The following LDLRAD3 variants were observed in gnomAD, a reference collection of about 807,000 sequenced individuals.
The protein encoded by LDLRAD3 is low density lipoprotein receptor class A domain containing 3.
In LDLRAD3, 20 loss-of-function variants were observed where a neutral mutation model predicts 29.4. The observed-to-expected ratio is 0.68, with a 90% CI of 0.48 to 0.99. The LOEUF is 0.99. Ranked by LOEUF, LDLRAD3 falls within the 50% of genes least tolerant of loss-of-function variation. The probability of loss-of-function intolerance (pLI) is 0.00; values close to 1 mark genes in which losing one functional copy is unlikely to be tolerated. For missense variants in LDLRAD3, 420 were observed against 454.3 expected, an observed-to-expected ratio of 0.92 and a Z score of 0.69; for synonymous variants, 157 against 192.7, an observed-to-expected ratio of 0.81 and a Z score of 1.53.
At chr11:35,971,824 A>AC in intron 1 of LDLRAD3, among the ~76,000 whole-genome samples, 1 of 152,298 alleles carries the variant, frequency 6.6e-6, no homozygotes, top group South Asian at 2.1e-4. Context: ...AGGGAGATCT[A>AC]CAGAGGTGGG....
intron 2 of LDLRAD3, among the ~76,000 whole-genome samples, chr11:36,073,479 G>A (rs1852941675): frequency 6.6e-6 from 1 of 152,256 alleles, no homozygotes; most frequent in Non-Finnish European, 1.5e-5. Context: ...TGTGGAAATA[G>A]GGGGTGAGAG....
chr11:36,158,082 C>T (rs1056027409), intron 4 of LDLRAD3, among the ~76,000 whole-genome samples: 5 of 152,126 alleles, frequency 3.3e-5, no homozygotes, highest in Admixed American at 2.0e-4. Context: ...CCCTTCTTTT[C>T]GTTTTATGCT....
intron 4 of LDLRAD3, among the ~76,000 whole-genome samples, chr11:36,161,521 G>A (rs1308802919): frequency 1.3e-5 from 2 of 152,060 alleles, no homozygotes; most frequent in Admixed American, 6.5e-5. Flanking sequence ...AAATGTGGGG[G>A]AAACAGATAA....
At chr11:36,003,156 G>A (rs1851845010) in intron 1 of LDLRAD3, among the ~76,000 whole-genome samples, 1 of 152,240 alleles carries the variant, frequency 6.6e-6, no homozygotes, top group Admixed American at 6.5e-5. Context: ...GAGGTGATGA[G>A]AGGGTGATCT....
chr11:36,013,540 G>A (rs1010006613), intron 1 of LDLRAD3, among the ~76,000 whole-genome samples: 1 of 136,786 alleles, frequency 7.3e-6, no homozygotes, highest in Non-Finnish European at 1.5e-5. Context: ...TCCCACTTAT[G>A]AGTGAGAACA....
chr11:36,029,939 T>C (rs1307324629), intron 1 of LDLRAD3, among the ~76,000 whole-genome samples: 1 of 152,202 alleles, frequency 6.6e-6, no homozygotes. Flanking sequence ...CATCTTCTTT[T>C]AGGGTCATAG....
At chr11:36,178,154 T>C (rs903755048) in intron 4 of LDLRAD3, among the ~76,000 whole-genome samples, 4 of 152,152 alleles carry the variant, frequency 2.6e-5, no homozygotes, top group African/African-American at 7.2e-5. Context: ...CCACCATTTT[T>C]CCCTATTTTC....
At chr11:36,025,428 T>C (rs1406157798) in intron 1 of LDLRAD3, among the ~76,000 whole-genome samples, 1 of 149,280 alleles carries the variant, frequency 6.7e-6, no homozygotes, top group Non-Finnish European at 1.5e-5. Flanking sequence ...TCGCTCTCTC[T>C]CCCAGTCTGG....
At chr11:36,086,949 A>G (rs183083526) in intron 3 of LDLRAD3, among the ~76,000 whole-genome samples, 13 of 152,340 alleles carry the variant, frequency 8.5e-5, no homozygotes, top group South Asian at 4.1e-4. Context: ...AGGAATACGC[A>G]TCACCATTAT....
chr11:35,989,268 C>T (rs533857277), intron 1 of LDLRAD3, among the ~76,000 whole-genome samples: 262 of 152,188 alleles, frequency 1.7e-3, no homozygotes, highest in African/African-American at 6.0e-3. Flanking sequence ...TGTTTTGGTT[C>T]GTGTAGCCCT....
At chr11:36,052,172 T>A (rs1448661080) in intron 2 of LDLRAD3, among the ~76,000 whole-genome samples, 1 of 152,236 alleles carries the variant, frequency 6.6e-6, no homozygotes, top group African/African-American at 2.4e-5. Flanking sequence ...AGAGCATTCC[T>A]TCTGCTAAGT....
At chr11:36,068,840 C>G (rs1424451370) in intron 2 of LDLRAD3, among the ~76,000 whole-genome samples, 2 of 152,188 alleles carry the variant, frequency 1.3e-5, no homozygotes, top group East Asian at 3.9e-4. Context: ...CTTCTTATCT[C>G]TGAGTCCTTC....
chr11:36,146,775 T>C (rs1470172040), intron 4 of LDLRAD3, among the ~76,000 whole-genome samples: 1 of 150,586 alleles, frequency 6.6e-6, no homozygotes, highest in Admixed American at 6.6e-5. Flanking sequence ...TCCCTCTACT[T>C]TATTTTATTT....
intron 4 of LDLRAD3, among the ~76,000 whole-genome samples, chr11:36,146,766 C>A (rs1465173802): frequency 1.6e-5 from 1 of 61,020 alleles, no homozygotes; most frequent in African/African-American, 8.6e-5. Context: ...TCCCAAATTT[C>A]CCTCTACTTT....
intron 4 of LDLRAD3, among the ~76,000 whole-genome samples, chr11:36,135,220 G>C (rs557255895): frequency 1.9e-4 from 29 of 152,286 alleles, no homozygotes; most frequent in Non-Finnish European, 2.9e-5. Flanking sequence ...GCTTGTCTCT[G>C]GTCTTTCAGA....
At chr11:36,076,638 G>T (rs1453120892) in intron 2 of LDLRAD3, among the ~76,000 whole-genome samples, 1 of 152,018 alleles carries the variant, frequency 6.6e-6, no homozygotes, top group Non-Finnish European at 1.5e-5. Context: ...CACCCACCTC[G>T]GCCTCCCAAA....
At chr11:35,949,092 A>G (rs1178328180) in intron 1 of LDLRAD3, among the ~76,000 whole-genome samples, 2 of 152,082 alleles carry the variant, frequency 1.3e-5, no homozygotes, top group Non-Finnish European at 2.9e-5. Flanking sequence ...TCAAGATGCC[A>G]TCCTCCTCCC....
At chr11:36,165,909 T>C (rs936407263) in intron 4 of LDLRAD3, among the ~76,000 whole-genome samples, 1 of 151,670 alleles carries the variant, frequency 6.6e-6, no homozygotes, top group African/African-American at 2.4e-5. Flanking sequence ...GAGTGCCTAC[T>C]GTTTATATTT....
At chr11:36,129,297 G>C (rs1206425786) in intron 4 of LDLRAD3, among the ~76,000 whole-genome samples, 1 of 152,156 alleles carries the variant, frequency 6.6e-6, no homozygotes, top group Non-Finnish European at 1.5e-5. Flanking sequence ...TGCAACTGTC[G>C]ATGGCAGAGG....
Sources: allele counts gnomAD v4.1 joint callset (sites outside exome capture counted in the v4.1 genomes callset), GRCh38; gene constraint gnomAD v4.1.1; transcripts MANE v1.5; gene names NCBI Gene and HGNC (gene_info 2026-07-23, HGNC 2026-07-21).